The following DMRT1 variants were observed in gnomAD, a reference collection of about 807,000 sequenced individuals.
DMRT1 encodes the protein doublesex and mab-3 related transcription factor 1, also known as doublesex- and mab-3-related transcription factor 1.
DMRT1 carries 7 observed loss-of-function variants against 32.3 expected under a neutral mutation model. The ratio of observed to expected loss-of-function variants is 0.22; its 90% confidence interval spans 0.12 to 0.41. The LOEUF is 0.41. DMRT1 is among the 10% of genes least tolerant of loss of function. DMRT1 has a pLI of 1.00. For missense variants in DMRT1, 625 were observed against 500.5 expected (o/e 1.25, Z -2.37); for synonymous variants, 278 against 206.1 (o/e 1.35, Z -2.99).
At chr9:879,338 C>G (rs899178832) in intron 2 of DMRT1, among the ~76,000 whole-genome samples, 1 of 152,110 alleles carries the variant, frequency 6.6e-6, no homozygotes, top group Non-Finnish European at 1.5e-5. Context: ...CTCATTACCT[C>G]TTAGCATACG....
chr9:916,217 A>C (rs888019620), intron 3 of DMRT1, among the ~76,000 whole-genome samples: 1 of 152,186 alleles, frequency 6.6e-6, no homozygotes, highest in Non-Finnish European at 1.5e-5. Context: ...TGTACTGGTT[A>C]ATCGAGCACC....
chr9:968,017 T>C lies in DMRT1; in HGVS notation c.1000T>C (p.Leu334=). Residue 334 remains leucine, a synonymous_variant, in exon 5 of 5, where the codon TTG becomes CTG. Coordinates refer to ENST00000382276, the MANE Select transcript of DMRT1 (RefSeq NM_021951.3). ...FSPPSSQDSG[L]VSLSSSSPIS... ...GCCGCCCAGCAGTCAAGATTCTGGC[T>C]TGGTTTCCCTCTCGAGCAGCTCTCC... The C allele has an allele frequency of 2.5e-6, 4 of 1,614,114 alleles. No homozygotes were observed. Among genetic ancestry groups the C allele is most frequent in the Non-Finnish European group, 3.4e-6 (4 of 1,180,032 alleles).
chr9:856,752 C>G (rs932170158), intron 2 of DMRT1, among the ~76,000 whole-genome samples: 13 of 152,070 alleles, frequency 8.5e-5, no homozygotes, highest in South Asian at 4.2e-4. Context: ...GGGTATATAC[C>G]AAGTAGTGGT....
rs562637212 is a variant in DMRT1, at chr9:966,849, A to G, written c.968-1136A>G. 8.5e-5 allele frequency among the ~76,000 whole-genome samples: 13 copies of G among 152,356 alleles called. No individual in the cohort carries two copies. In the South Asian group the frequency reaches 2.7e-3, roughly 32 times the overall value. On this transcript the variant is annotated intron_variant, in intron 4 of 4. Coordinates refer to ENST00000382276, the MANE Select transcript of DMRT1 (RefSeq NM_021951.3). ...CCCAGTGCAGCTTCTACTATGATTT[A>G]GTTCTCTACAAATGACTTCAGCACT...
chr9:883,096 T>C (rs906348572), intron 2 of DMRT1, among the ~76,000 whole-genome samples: 6 of 151,646 alleles, frequency 4.0e-5, no homozygotes, highest in African/African-American at 1.5e-4. Flanking sequence ...ACTCTTTCAC[T>C]CTTTCCAGAT....
chr9:943,098 G>C (rs1462666554), intron 4 of DMRT1, among the ~76,000 whole-genome samples: 1 of 151,964 alleles, frequency 6.6e-6, no homozygotes, highest in Non-Finnish European at 1.5e-5. Context: ...CGTTTTGATA[G>C]CATATCAGGT....
At chr9:844,972 T>A (rs1183633290) in intron 1 of DMRT1, among the ~76,000 whole-genome samples, 1 of 152,120 alleles carries the variant, frequency 6.6e-6, no homozygotes, top group African/African-American at 2.4e-5. Flanking sequence ...TCCACCCGCC[T>A]CGGCTTCCCA....
intron 2 of DMRT1, among the ~76,000 whole-genome samples, chr9:889,133 C>T (rs1817046244): frequency 6.6e-6 from 1 of 152,108 alleles, no homozygotes; most frequent in Admixed American, 6.6e-5. Flanking sequence ...CTGTGCGAAC[C>T]ATTGGATTAG....
chr9:901,216 T>C (rs1817560763), intron 3 of DMRT1, among the ~76,000 whole-genome samples: 1 of 152,166 alleles, frequency 6.6e-6, no homozygotes, highest in Non-Finnish European at 1.5e-5. Flanking sequence ...GGTTTCACCA[T>C]GTTGCCTGGG....
At position 965,434 on chromosome 9, in the gene DMRT1, TATTCTG is replaced by T. The variant is rs1459189290; in HGVS notation, c.968-2550_968-2545del. On this transcript the variant is annotated intron_variant, in intron 4 of 4. Coordinates refer to ENST00000382276, the MANE Select transcript of DMRT1 (RefSeq NM_021951.3). The surrounding 1 kb of genome is among the most constrained non-coding windows in gnomAD (Gnocchi z 4.5). ...GAGCCCCGCTAGTCCATGCAGGTAA[TATTCTG>T]CATGCTTTGTGGCCCCACGTCGCAA... 2.6e-5 allele frequency among the ~76,000 whole-genome samples: 4 copies of T among 152,204 alleles called. No individual in the cohort carries two copies. The highest frequency in any genetic ancestry group is 5.9e-5 in the Non-Finnish European group (4 of 68,034).
intron 3 of DMRT1, among the ~76,000 whole-genome samples, chr9:902,792 C>T (rs1817639225): frequency 6.6e-6 from 1 of 152,022 alleles, no homozygotes; most frequent in South Asian, 2.1e-4. Context: ...CCCAGCTTTC[C>T]GCTCCTTTTT....
chr9:953,756 T>C (rs1372506001), intron 4 of DMRT1, among the ~76,000 whole-genome samples: 2 of 152,216 alleles, frequency 1.3e-5, no homozygotes, highest in Non-Finnish European at 2.9e-5. Flanking sequence ...CTGATCACGA[T>C]TGGTCTAGGA....
chr9:849,155 G>T (rs1271524145), intron 2 of DMRT1, among the ~76,000 whole-genome samples: 3 of 152,018 alleles, frequency 2.0e-5, no homozygotes, highest in South Asian at 2.1e-4. Context: ...ATGGTAAGGA[G>T]ACTGCCACAG....
chr9:908,536 T>C (rs568761733), intron 3 of DMRT1, among the ~76,000 whole-genome samples: 92 of 152,282 alleles, frequency 6.0e-4, no homozygotes, highest in African/African-American at 1.9e-3. Flanking sequence ...GCGGGAGGGC[T>C]TGCTTTATAT....
intron 3 of DMRT1, among the ~76,000 whole-genome samples, chr9:895,595 T>C (rs1394779635): frequency 6.6e-6 from 1 of 152,202 alleles, no homozygotes; most frequent in African/African-American, 2.4e-5. Context: ...GATGATTTGA[T>C]ATATGTGTAC....
chr9:898,508 C>A (rs1221382229), intron 3 of DMRT1, among the ~76,000 whole-genome samples: 1 of 152,182 alleles, frequency 6.6e-6, no homozygotes, highest in African/African-American at 2.4e-5. Flanking sequence ...AAGGCTCTCT[C>A]ACTCTGCTCT....
chr9:949,301 G>A (rs1819352225), intron 4 of DMRT1, among the ~76,000 whole-genome samples: 1 of 151,856 alleles, frequency 6.6e-6, no homozygotes, highest in Non-Finnish European at 1.5e-5. Flanking sequence ...CCAGGAGTTC[G>A]AGACTGCAAG....
At chr9:940,643 G>T (rs1481899446) in intron 4 of DMRT1, among the ~76,000 whole-genome samples, 2 of 152,102 alleles carry the variant, frequency 1.3e-5, no homozygotes, top group Non-Finnish European at 2.9e-5. Context: ...ATTTGGCGAT[G>T]ACTTCTTGGA....
rs773030469 is a variant in DMRT1, at chr9:904,937, C to T, written c.822+10742C>T. Among the ~76,000 whole-genome samples the T allele has an allele frequency of 2.5e-3, 231 of 91,548 alleles. 2 individuals carry two copies. The highest frequency in any genetic ancestry group is 5.5e-3 in the Admixed American group (40 of 7,320). The allele number at this position is 91,548 out of a possible 152,430, so 60.1% of individuals were successfully genotyped here. On this transcript the variant is annotated intron_variant, in intron 3 of 4. Coordinates refer to ENST00000382276, the MANE Select transcript of DMRT1 (RefSeq NM_021951.3). The stretch of plus-strand genomic sequence containing the variant: ...AGCCTGGGCAACAAGAACGAAACTC[C>T]GTCTCAAAAAAAAAAAAAAAAGACA...
Sources: allele counts gnomAD v4.1 joint callset (sites outside exome capture counted in the v4.1 genomes callset), GRCh38; gene constraint gnomAD v4.1.1; non-coding constraint Gnocchi (gnomAD v3.1); transcripts MANE v1.5; gene names NCBI Gene and HGNC (gene_info 2026-07-23, HGNC 2026-07-21).